The following ZHX2 variants were observed in gnomAD, a reference collection of about 807,000 sequenced individuals.
ZHX2 encodes zinc fingers and homeoboxes protein 2.
A neutral mutation model predicts 21.9 loss-of-function variants in ZHX2; 6 were observed. The observed-to-expected ratio is 0.27, with a 90% CI of 0.15 to 0.54. The LOEUF (loss-of-function observed/expected upper bound fraction) is 0.54, where lower values mean the gene tolerates loss of function less well. ZHX2 is among the 20% of genes least tolerant of loss of function. The probability of loss-of-function intolerance (pLI) is 0.95; values close to 1 mark genes in which losing one functional copy is unlikely to be tolerated. For missense variants in ZHX2, 908 were observed against 1,090.7 expected (o/e 0.83, Z 2.36); for synonymous variants, 434 against 437.1 (o/e 0.99, Z 0.09).
At chr8:122,955,730 TC>T (rs1233156980) in intron 3 of ZHX2, among the ~76,000 whole-genome samples, 1 of 151,540 alleles carries the variant, frequency 6.6e-6, no homozygotes, top group African/African-American at 2.4e-5. Flanking sequence ...TGTACTGAGG[TC>T]ACAATGACAG....
Position 122,953,278 on chromosome 8 carries a change from G to A in ZHX2, c.1768G>A (p.Ala590Thr). 1 of 1,614,098 alleles carries A rather than the reference G, an allele frequency of 6.2e-7. No homozygotes were observed. Among genetic ancestry groups the A allele is most frequent in the Non-Finnish European group, 8.5e-7 (1 of 1,180,030 alleles). The change falls in exon 3 of 4, where the codon GCT (alanine) becomes ACT (threonine). Residue 590 changes from alanine (A) to threonine (T), a missense_variant. Around this residue, in one of 4 missense-constraint regions of ZHX2, gnomAD observed 431 missense variants for 428.6 expected, o/e 1.01. Transcript: ENST00000314393. The surrounding 1 kb of genome is among the most constrained non-coding windows in gnomAD (Gnocchi z 4.6). ...RRKLRDSMEQAVLDSMGSGKK... is the reference protein window; with the variant it reads ...RRKLRDSMEQTVLDSMGSGKK... ...GAAGCTTCGAGACAGCATGGAACAA[G>A]CTGTCTTGGATTCCATGGGGTCTGG...
At chr8:122,784,651 G>C (rs897013759) in intron 1 of ZHX2, among the ~76,000 whole-genome samples, 1 of 152,156 alleles carries the variant, frequency 6.6e-6, no homozygotes, top group African/African-American at 2.4e-5. Flanking sequence ...CAACTATAAT[G>C]TTCATTATAC....
At chr8:122,818,040 C>A (rs1818070008) in intron 1 of ZHX2, among the ~76,000 whole-genome samples, 1 of 152,172 alleles carries the variant, frequency 6.6e-6, no homozygotes. Context: ...CCTGGCTTGC[C>A]TCATAAGATT....
chr8:122,808,183 G>A (rs973184325), intron 1 of ZHX2, among the ~76,000 whole-genome samples: 2 of 152,162 alleles, frequency 1.3e-5, no homozygotes, highest in African/African-American at 4.8e-5. Flanking sequence ...ACTTAGATGT[G>A]AGCACCAGAT....
chr8:122,892,387 T>A (rs1463193619), intron 2 of ZHX2, among the ~76,000 whole-genome samples: 2 of 152,136 alleles, frequency 1.3e-5, no homozygotes, highest in East Asian at 3.9e-4. Context: ...GCCAGTGTAT[T>A]TTTTTAAATT....
chr8:122,792,984 C>T (rs1293187907), intron 1 of ZHX2, among the ~76,000 whole-genome samples: 1 of 152,180 alleles, frequency 6.6e-6, no homozygotes, highest in African/African-American at 2.4e-5. Context: ...ACAGAGATGG[C>T]CATACCGCTG....
At chr8:122,872,217 C>T (rs897788897) in intron 2 of ZHX2, among the ~76,000 whole-genome samples, 3 of 152,208 alleles carry the variant, frequency 2.0e-5, no homozygotes. Context: ...AGATAGAAGA[C>T]TGCTGGGCTG....
In ZHX2 at chr8:122,828,447, G is replaced by A. The variant is rs555414195; in HGVS notation, c.-282-35030G>A. Among the ~76,000 whole-genome samples, 1 of 152,342 alleles carries A rather than the reference G, an allele frequency of 6.6e-6. No homozygotes were observed. Among genetic ancestry groups the A allele is most frequent in the African/African-American group, 2.4e-5 (1 of 41,582 alleles). On this transcript the variant is annotated intron_variant, in intron 1 of 3. Coordinates refer to ENST00000314393, the MANE Select transcript of ZHX2 (RefSeq NM_014943.5). The surrounding 1 kb of genome is among the most constrained non-coding windows in gnomAD (Gnocchi z 5.2). The stretch of plus-strand genomic sequence containing the variant: ...AAGGGTCATTACGTGGTCACTATGT[G>A]GATAAGAGTAACAGAAGAGAAACCA...
chr8:122,803,580 C>T (rs1365768268), intron 1 of ZHX2, among the ~76,000 whole-genome samples: 2 of 152,260 alleles, frequency 1.3e-5, no homozygotes, highest in South Asian at 2.1e-4. Context: ...CCAGCTGTGA[C>T]AACCGAAACT....
intron 1 of ZHX2, among the ~76,000 whole-genome samples, chr8:122,860,614 C>T (rs907021747): frequency 6.6e-6 from 1 of 152,172 alleles, no homozygotes; most frequent in Non-Finnish European, 1.5e-5. Context: ...CTATATTTTA[C>T]AAACCAAAAG....
At chr8:122,963,315 G>A (rs1015052548) in intron 3 of ZHX2, among the ~76,000 whole-genome samples, 1 of 152,108 alleles carries the variant, frequency 6.6e-6, no homozygotes, top group Non-Finnish European at 1.5e-5. Context: ...GAGAGATGTG[G>A]ACCCAGTTTC....
intron 3 of ZHX2, among the ~76,000 whole-genome samples, chr8:122,961,593 G>A (rs557365794): frequency 9.9e-5 from 15 of 152,264 alleles, no homozygotes; most frequent in Non-Finnish European, 1.8e-4. Context: ...CGATCATGGC[G>A]GAAGGCGAAG....
chr8:122,949,222 C>CTGAG (rs1222595175), intron 2 of ZHX2, among the ~76,000 whole-genome samples: 1 of 152,110 alleles, frequency 6.6e-6, no homozygotes, highest in East Asian at 1.9e-4. Context: ...ATGCAGGAGG[C>CTGAG]TGAGGCAGGA....
In ZHX2 at chr8:122,960,855, G is replaced by A. The variant is rs150121337; in HGVS notation, c.*4+6827G>A. 2.0e-5 allele frequency among the ~76,000 whole-genome samples: 3 copies of A among 152,272 alleles called. No homozygotes were observed. In the East Asian group the frequency reaches 5.8e-4, roughly 29 times the overall value. ...TTCATTGTCCATAACCCTAGAGAAA[G>A]TTTGATGCCCTCTGAGCTACTCAAG... On this transcript the variant is annotated intron_variant, in intron 3 of 3. Coordinates refer to ENST00000314393, the MANE Select transcript of ZHX2 (RefSeq NM_014943.5).
chr8:122,913,836 T>C (rs1485008061), intron 2 of ZHX2, among the ~76,000 whole-genome samples: 1 of 152,240 alleles, frequency 6.6e-6, no homozygotes, highest in Non-Finnish European at 1.5e-5. Flanking sequence ...GGAAGGGTTA[T>C]GACACCATCA....
chr8:122,783,648 G>A (rs546822178), intron 1 of ZHX2, among the ~76,000 whole-genome samples: 1 of 152,278 alleles, frequency 6.6e-6, no homozygotes, highest in African/African-American at 2.4e-5. Context: ...CACTCCCAGG[G>A]CAGTAATGTC....
intron 2 of ZHX2, among the ~76,000 whole-genome samples, chr8:122,928,023 G>A (rs1235144595): frequency 6.6e-6 from 1 of 152,058 alleles, no homozygotes; most frequent in Non-Finnish European, 1.5e-5. Context: ...CCCCGCTTTC[G>A]TAAAGTCCCA....
intron 2 of ZHX2, among the ~76,000 whole-genome samples, chr8:122,920,643 T>A (rs1439623040): frequency 1.3e-5 from 2 of 152,182 alleles, no homozygotes; most frequent in Non-Finnish European, 2.9e-5. Flanking sequence ...ATTGGAGGCA[T>A]GTGTCCACAT....
In ZHX2 at chr8:122,940,214, A is replaced by G. The variant is rs371905681; in HGVS notation, c.-219-11078A>G. On this transcript the variant is annotated intron_variant, in intron 2 of 3. Coordinates refer to ENST00000314393, the MANE Select transcript of ZHX2 (RefSeq NM_014943.5). The stretch of plus-strand genomic sequence containing the variant: ...GGGTGCTGGCTTCAGCCTGTGCCCC[A>G]CTTCTACTGACCTGGTGAGCACTAA... Among the ~76,000 whole-genome samples the G allele has an allele frequency of 7.8e-4, 118 of 152,196 alleles. 2 individuals carry two copies. Among genetic ancestry groups the G allele is most frequent in the African/African-American group, 2.7e-3 (114 of 41,456 alleles).
Sources: gnomAD v4.1 joint callset for allele counts (sites outside exome capture counted in the v4.1 genomes callset) on GRCh38, gnomAD v4.1.1 for gene constraint, gnomAD v4.1.1 regional missense constraint, Gnocchi (gnomAD v3.1) non-coding constraint, MANE v1.5 for transcripts, NCBI Gene and HGNC (gene_info 2026-07-23, HGNC 2026-07-21) for gene names.